The following MYO18B variants were observed in gnomAD, a reference collection of about 807,000 sequenced individuals.
The protein encoded by MYO18B is unconventional myosin-XVIIIb.
MYO18B carries 204 observed loss-of-function variants against 273.0 expected under a neutral mutation model. That is an observed-to-expected ratio of 0.75 (90% CI 0.67 to 0.84). The LOEUF (loss-of-function observed/expected upper bound fraction) is 0.84, where lower values mean the gene tolerates loss of function less well. MYO18B is among the 40% of genes least tolerant of loss of function. MYO18B has a pLI of 0.00. For missense variants in MYO18B, 3,212 were observed against 3,287.6 expected (o/e 0.98, Z 0.56); for synonymous variants, 1,330 against 1,305.7 (o/e 1.02, Z -0.40).
chr22:25,884,009 G>T (rs1277661959), intron 25 of MYO18B, among the ~76,000 whole-genome samples: 1 of 152,140 alleles, frequency 6.6e-6, no homozygotes, highest in Admixed American at 6.5e-5. Flanking sequence ...ATGAGGTGGG[G>T]TGTTTTTCCA....
Position 25,843,903 on chromosome 22 carries a change from G to A in MYO18B, c.3368+9G>A, listed in dbSNP as rs765540306. The stretch of plus-strand genomic sequence containing the variant: ...CTGCACCAGTCAAAAAGGTGAGTTG[G>A]GTCAGGGTTGGGGACGGGGATGGAG... On this transcript the variant is annotated intron_variant, in intron 18 of 43. Transcript: ENST00000335473. The A allele has an allele frequency of 5.0e-6, 8 of 1,595,688 alleles. No individual in the cohort carries two copies. The Admixed American group carries it at 1.2e-4, about 23-fold the overall frequency.
intron 12 of MYO18B, among the ~76,000 whole-genome samples, chr22:25,813,727 A>C (rs887051444): frequency 2.0e-5 from 3 of 152,190 alleles, no homozygotes; most frequent in Non-Finnish European, 4.4e-5. Context: ...GGGCCCCTGC[A>C]CTGGTGCTGT....
intron 25 of MYO18B, among the ~76,000 whole-genome samples, chr22:25,882,347 C>A (rs2091362866): frequency 7.7e-6 from 1 of 129,162 alleles, no homozygotes; most frequent in Non-Finnish European, 1.6e-5. Flanking sequence ...AGACATATTG[C>A]ATGTAGATTG....
chr22:26,056,267 C>T, the MYO18B span, among the ~76,000 whole-genome samples: 2 of 152,174 alleles, frequency 1.3e-5, no homozygotes, highest in Non-Finnish European at 2.9e-5. Context: ...AACTCAGTTT[C>T]TCAACCACTT....
chr22:25,859,656 GC>G (rs2090673029), intron 21 of MYO18B, among the ~76,000 whole-genome samples: 1 of 151,758 alleles, frequency 6.6e-6, no homozygotes. Flanking sequence ...GTGCCTAGTA[GC>G]CATTTTATCT....
In MYO18B at chr22:25,950,880, C is replaced by A. The variant is rs189806806; in HGVS notation, c.5832+430C>A. Among the ~76,000 whole-genome samples the A allele has an allele frequency of 1.4e-4, 21 of 152,232 alleles. No individual in the cohort carries two copies. In the South Asian group the frequency reaches 3.1e-3, roughly 23 times the overall value. On this transcript the variant is annotated intron_variant, in intron 37 of 43. Coordinates refer to ENST00000335473, the MANE Select transcript of MYO18B (RefSeq NM_032608.7). Reference sequence around the variant, plus strand: ...AACCACCAGGCCCAGCTGGGAAATACGTTAAGTATTAACTTACATGACCAC... The same window carrying A: ...AACCACCAGGCCCAGCTGGGAAATAAGTTAAGTATTAACTTACATGACCAC...
chr22:25,748,701 T>A (rs2146530591), intron 1 of MYO18B, among the ~76,000 whole-genome samples: 1 of 152,266 alleles, frequency 6.6e-6, no homozygotes, highest in South Asian at 2.1e-4. Context: ...CCCTCCCTCT[T>A]CAACATTTCA....
intron 34 of MYO18B, among the ~76,000 whole-genome samples, chr22:25,941,484 T>C (rs1157920749): frequency 1.3e-5 from 2 of 152,102 alleles, no homozygotes; most frequent in African/African-American, 4.8e-5. Context: ...CAAAGGCGAG[T>C]CTGGCCAGTG....
At chr22:25,893,806 C>T (rs1254672234) in intron 27 of MYO18B, among the ~76,000 whole-genome samples, 1 of 148,260 alleles carries the variant, frequency 6.7e-6, no homozygotes, top group East Asian at 2.0e-4. Context: ...CACCCATCCA[C>T]CCATCCATCC....
At chr22:25,922,343 C>A (rs548402486) in intron 34 of MYO18B, among the ~76,000 whole-genome samples, 71 of 151,996 alleles carry the variant, frequency 4.7e-4, no homozygotes, top group Non-Finnish European at 9.0e-4. Context: ...TGAGTGTGGG[C>A]GGTTGCGGTG....
chr22:25,810,863 G>T (rs897652180), intron 12 of MYO18B, among the ~76,000 whole-genome samples: 1 of 152,060 alleles, frequency 6.6e-6, no homozygotes, highest in Non-Finnish European at 1.5e-5. Context: ...AACCAATACT[G>T]ATACTCTATT....
At chr22:25,801,892 C>T (rs943265289) in intron 12 of MYO18B, among the ~76,000 whole-genome samples, 1 of 152,190 alleles carries the variant, frequency 6.6e-6, no homozygotes, top group African/African-American at 2.4e-5. Flanking sequence ...GGACTTAGGT[C>T]TGCCTGAGCT....
chr22:26,048,879 C>A, the MYO18B span, among the ~76,000 whole-genome samples: 1 of 152,134 alleles, frequency 6.6e-6, no homozygotes, highest in South Asian at 2.1e-4. Context: ...CTGCATTTCA[C>A]AATGGTTGAA....
chr22:25,832,815 C>A, intron 15 of MYO18B, 102 bp from the exon 16 acceptor site: 1 of 985,464 alleles, frequency 1.0e-6, no homozygotes, highest in Admixed American at 2.2e-5. Flanking sequence ...TTTAAAGGGC[C>A]AAGAGGTGAT....
At chr22:26,022,554 G>A (rs1935911024) in intron 42 of MYO18B, among the ~76,000 whole-genome samples, 1 of 152,190 alleles carries the variant, frequency 6.6e-6, no homozygotes, top group Non-Finnish European at 1.5e-5. Context: ...GCATGGGAAA[G>A]CCAGGAAGAA....
At chr22:25,931,145 A>G (rs1480615080) in intron 34 of MYO18B, among the ~76,000 whole-genome samples, 1 of 152,176 alleles carries the variant, frequency 6.6e-6, no homozygotes, top group African/African-American at 2.4e-5. Context: ...CCTTTTTTAA[A>G]ACGATTATGT....
At chr22:25,874,228 C>CCA (rs2091128523) in intron 22 of MYO18B, 58 bp from the exon 23 acceptor site, 1 of 1,604,820 alleles carries the variant, frequency 6.2e-7, no homozygotes, top group African/African-American at 1.3e-5. Context: ...CAAGCACCCC[C>CCA]CCATTGTAGA....
Position 26,027,526 on chromosome 22 carries a change from T to C in MYO18B, c.7552T>C (p.Phe2518Leu). ...SSSSSGSIVS[F>L]KSADSIKSRP... ...CTCATCCTCCGGCTCCATCGTGTCC[T>C]TCAAAAGTGCTGACAGCATCAAAAG... Residue 2518 changes from phenylalanine to leucine, a missense_variant, in exon 43 of 44, where the codon TTC (phenylalanine) becomes CTC (leucine). By Grantham distance (22) the Phe-to-Leu change is conservative. Transcript: ENST00000335473. This position sits in a 1 kb window ranked among gnomAD's most constrained non-coding sequence, Gnocchi z 4.1. The C allele has an allele frequency of 6.2e-7, 1 of 1,613,960 alleles. No individual in the cohort carries two copies. The highest frequency in any genetic ancestry group is 8.5e-7 in the Non-Finnish European group (1 of 1,179,874).
At chr22:25,781,261 T>C (rs1391712506) in intron 9 of MYO18B, among the ~76,000 whole-genome samples, 1 of 152,086 alleles carries the variant, frequency 6.6e-6, no homozygotes, top group East Asian at 1.9e-4. Flanking sequence ...GATTGAGAAG[T>C]TCTGACGTGG....
Sources: gnomAD v4.1 joint callset for allele counts (sites outside exome capture counted in the v4.1 genomes callset) on GRCh38, gnomAD v4.1.1 for gene constraint, Gnocchi (gnomAD v3.1) non-coding constraint, MANE v1.5 for transcripts, NCBI Gene and HGNC (gene_info 2026-07-23, HGNC 2026-07-21) for gene names.